The following RPS6KA5 variants were observed in gnomAD, a reference collection of about 807,000 sequenced individuals.
The protein encoded by RPS6KA5 is ribosomal protein S6 kinase A5.
RPS6KA5 carries 27 observed loss-of-function variants against 85.5 expected under a neutral mutation model. The observed-to-expected ratio is 0.32, with a 90% confidence interval of 0.23 to 0.44. The LOEUF is 0.44. RPS6KA5 is among the 20% of genes least tolerant of loss of function. RPS6KA5 has a pLI of 1.00. For missense variants in RPS6KA5, 811 were observed against 980.9 expected (o/e 0.83, Z 2.31); for synonymous variants, 334 against 348.2 (o/e 0.96, Z 0.46).
chr14:90,919,452 T>A (rs2140287502), intron 7 of RPS6KA5, among the ~76,000 whole-genome samples: 1 of 152,368 alleles, frequency 6.6e-6, no homozygotes, highest in East Asian at 1.9e-4. Flanking sequence ...CTATTTTTAA[T>A]TTTTAATGTC....
chr14:90,955,062 CTT>C (rs915090866), intron 3 of RPS6KA5, among the ~76,000 whole-genome samples: 1 of 152,064 alleles, frequency 6.6e-6, no homozygotes, highest in Non-Finnish European at 1.5e-5. Context: ...TTGATTTTCT[CTT>C]GTTTTCATAT....
intron 1 of RPS6KA5, among the ~76,000 whole-genome samples, chr14:91,026,611 G>A (rs539965075): frequency 1.6e-4 from 25 of 152,296 alleles, no homozygotes; most frequent in Admixed American, 9.8e-4. Flanking sequence ...ATAGTACTGT[G>A]ATGAACATAC....
intron 6 of RPS6KA5, among the ~76,000 whole-genome samples, chr14:90,922,382 G>GT (rs1272792574): frequency 6.6e-6 from 1 of 152,160 alleles, no homozygotes; most frequent in Non-Finnish European, 1.5e-5. Context: ...TTTACATGCC[G>GT]TGACCCTTCT....
At chr14:90,958,308 G>A (rs568549866) in intron 3 of RPS6KA5, among the ~76,000 whole-genome samples, 1 of 152,112 alleles carries the variant, frequency 6.6e-6, no homozygotes, top group Non-Finnish European at 1.5e-5. Flanking sequence ...TAGGAGAACT[G>A]ACATTTTTTA....
At chr14:90,959,180 G>T (rs941508199) in intron 3 of RPS6KA5, among the ~76,000 whole-genome samples, 13 of 152,140 alleles carry the variant, frequency 8.5e-5, no homozygotes, top group Admixed American at 7.2e-4. Flanking sequence ...AGGGCTTATG[G>T]ACCTTTACTG....
chr14:90,936,459 G>T (rs1011526555), intron 5 of RPS6KA5, among the ~76,000 whole-genome samples: 1 of 152,132 alleles, frequency 6.6e-6, no homozygotes, highest in Admixed American at 6.5e-5. Context: ...AGCTACTTGG[G>T]AGTCTGAGGT....
Position 90,866,366 on chromosome 14 carries a change from G to A in RPS6KA5, c.*5708C>T, listed in dbSNP as rs10148025. ...GTCTACTTAGTCAGCTGCTTAGGAGGCTGAGGTACAAGGATTGCTTGAGCC... is the reference window on the plus strand; with the variant it reads ...GTCTACTTAGTCAGCTGCTTAGGAGACTGAGGTACAAGGATTGCTTGAGCC... On this transcript the variant is annotated 3_prime_UTR_variant, in exon 17 of 17. Transcript: ENST00000614987. 0.2 allele frequency: 31,181 copies of A among 152,170 alleles called. 3,281 individuals carry two copies. The highest frequency in any genetic ancestry group is 0.26 in the Middle Eastern group (76 of 294). 9.4% of individuals were successfully genotyped at this position (152,170 alleles called of 1,614,324 possible).
chr14:90,930,544 T>A (rs2036918786), intron 5 of RPS6KA5, among the ~76,000 whole-genome samples: 1 of 152,066 alleles, frequency 6.6e-6, no homozygotes, highest in Non-Finnish European at 1.5e-5. Context: ...CAAATGGGAC[T>A]ATATCAAATT....
chr14:90,885,348 C>T (rs909410384), intron 14 of RPS6KA5, among the ~76,000 whole-genome samples: 12 of 150,556 alleles, frequency 8.0e-5, no homozygotes, highest in African/African-American at 2.7e-4. Flanking sequence ...GTCAGGAGAT[C>T]GAGAGGCATC....
At chr14:90,969,190 T>C (rs1416716237) in intron 3 of RPS6KA5, among the ~76,000 whole-genome samples, 3 of 152,234 alleles carry the variant, frequency 2.0e-5, no homozygotes, top group Non-Finnish European at 4.4e-5. Flanking sequence ...TGAAGATCTC[T>C]ACAAAATTTC....
At chr14:90,961,198 C>T (rs2038778508) in intron 3 of RPS6KA5, among the ~76,000 whole-genome samples, 1 of 152,152 alleles carries the variant, frequency 6.6e-6, no homozygotes, top group South Asian at 2.1e-4. Flanking sequence ...TGAATCTCAT[C>T]CCAATAAATA....
At chr14:90,948,572 G>A (rs1433648656) in intron 3 of RPS6KA5, among the ~76,000 whole-genome samples, 1 of 152,088 alleles carries the variant, frequency 6.6e-6, no homozygotes, top group African/African-American at 2.4e-5. Context: ...GCAGTTGCCT[G>A]TAGTCCCAGC....
At chr14:90,965,900 T>TA (rs1160169636) in intron 3 of RPS6KA5, among the ~76,000 whole-genome samples, 3 of 152,092 alleles carry the variant, frequency 2.0e-5, no homozygotes. Context: ...AGAGGGGATT[T>TA]AAAAAATGCT....
chr14:90,951,232 C>T (rs2038166989), intron 3 of RPS6KA5, among the ~76,000 whole-genome samples: 1 of 151,834 alleles, frequency 6.6e-6, no homozygotes, highest in Admixed American at 6.6e-5. Context: ...ACCTGTAATC[C>T]CAGCACTTTG....
chr14:91,033,880 T>C (rs1175954165), intron 1 of RPS6KA5, among the ~76,000 whole-genome samples: 7 of 152,276 alleles, frequency 4.6e-5, no homozygotes, highest in Admixed American at 3.9e-4. Flanking sequence ...CAAATGTTCA[T>C]TGACAGTAAA....
intron 7 of RPS6KA5, 45 bp downstream of exon 7, chr14:90,920,161 T>G: frequency 8.4e-7 from 1 of 1,194,784 alleles, no homozygotes; most frequent in Non-Finnish European, 1.3e-6. Flanking sequence ...TGTGATCAGT[T>G]CCTTTGAGAA....
intron 1 of RPS6KA5, among the ~76,000 whole-genome samples, chr14:91,058,379 A>G (rs2043413718): frequency 6.6e-6 from 1 of 152,206 alleles, no homozygotes; most frequent in African/African-American, 2.4e-5. Flanking sequence ...ATTGTTTTCT[A>G]CAAAACTAGC....
At chr14:90,916,803 T>C (rs1266995178) in intron 7 of RPS6KA5, among the ~76,000 whole-genome samples, 3 of 152,214 alleles carry the variant, frequency 2.0e-5, no homozygotes, top group Non-Finnish European at 4.4e-5. Flanking sequence ...TTGCTTTAGT[T>C]GTAAGGTTTT....
Position 90,863,083 on chromosome 14 carries a change from T to A in RPS6KA5, c.*8991A>T, listed in dbSNP as rs1237555760. ...ACTTTGGGAGGCTGAGGCGGGTGGA[T>A]CACGAGGTCAGGAATTCGAGGCCAG... On this transcript the variant is annotated 3_prime_UTR_variant, in exon 17 of 17. Transcript: ENST00000614987. 6.6e-6 allele frequency: 1 copy of A among 151,616 alleles called. No homozygotes were observed. The highest frequency in any genetic ancestry group is 1.5e-5 in the Non-Finnish European group (1 of 67,942). 9.4% of individuals were successfully genotyped at this position (151,616 alleles called of 1,614,324 possible).
Sources: gnomAD v4.1 joint callset for allele counts (sites outside exome capture counted in the v4.1 genomes callset) on GRCh38, gnomAD v4.1.1 for gene constraint, MANE v1.5 for transcripts, NCBI Gene and HGNC (gene_info 2026-07-23, HGNC 2026-07-21) for gene names.